Variants in DOCK9 observed in about 807,000 individuals in gnomAD.
DOCK9 encodes the protein dedicator of cytokinesis 9.
DOCK9 carries 89 observed loss-of-function variants against 263.3 expected under a neutral mutation model. The observed-to-expected ratio is 0.34, with a 90% CI of 0.28 to 0.40. DOCK9 has a LOEUF of 0.40. Among genes scored for constraint, DOCK9 ranks in the 10% least tolerant of loss-of-function variants. DOCK9 has a pLI of 1.00. For synonymous variants in DOCK9, 976 were observed against 973.1 expected, an observed-to-expected ratio of 1.00 and a Z score of -0.06; for missense variants, 2,140 against 2,603.4, an observed-to-expected ratio of 0.82 and a Z score of 3.87.
chr13:98,875,648 C>T (rs542113755), intron 27 of DOCK9, among the ~76,000 whole-genome samples: 1 of 152,198 alleles, frequency 6.6e-6, no homozygotes, highest in South Asian at 2.1e-4. Flanking sequence ...AACTGTTGAC[C>T]ATAGGGGCAG....
At chr13:98,836,659 A>G (rs1809409785) in intron 39 of DOCK9, among the ~76,000 whole-genome samples, 2 of 152,126 alleles carry the variant, frequency 1.3e-5, no homozygotes, top group South Asian at 4.1e-4. Flanking sequence ...AATGAGTTTC[A>G]TGGGGACAAG....
At chr13:99,048,031 C>G (rs2040517656) in intron 1 of DOCK9, among the ~76,000 whole-genome samples, 2 of 152,174 alleles carry the variant, frequency 1.3e-5, no homozygotes, top group Admixed American at 1.3e-4. Context: ...AGTTTGGGGG[C>G]AGCACCAGGG....
chr13:98,854,284 T>C (rs1594699744), intron 34 of DOCK9, among the ~76,000 whole-genome samples: 1 of 151,878 alleles, frequency 6.6e-6, no homozygotes, highest in Non-Finnish European at 1.5e-5. Context: ...TTAAAAACTC[T>C]CCCAGTTGAA....
At chr13:98,869,145 T>C (rs2094125498) in intron 27 of DOCK9, among the ~76,000 whole-genome samples, 1 of 152,352 alleles carries the variant, frequency 6.6e-6, no homozygotes, top group East Asian at 1.9e-4. Flanking sequence ...CGTGCATGAT[T>C]AGTTAAAACT....
At chr13:99,006,079 A>T (rs181374649) in intron 1 of DOCK9, among the ~76,000 whole-genome samples, 17 of 152,386 alleles carry the variant, frequency 1.1e-4, no homozygotes, top group Admixed American at 8.5e-4. Flanking sequence ...TTCAAACCTC[A>T]GTTAGTAAAA....
intron 30 of DOCK9, chr13:98,866,977 A>T: frequency 2.8e-6 from 1 of 355,514 alleles, no homozygotes; most frequent in Non-Finnish European, 5.3e-6. Context: ...ACAGAACAGC[A>T]TATGGAAGCA....
At chr13:98,836,329 TA>T (rs952260149) in intron 39 of DOCK9, among the ~76,000 whole-genome samples, 1 of 152,192 alleles carries the variant, frequency 6.6e-6, no homozygotes, top group African/African-American at 2.4e-5. Context: ...TATTCACTTT[TA>T]AAACCTTCCT....
chr13:98,944,275 C>T (rs1354444674), intron 2 of DOCK9, among the ~76,000 whole-genome samples: 2 of 150,046 alleles, frequency 1.3e-5, no homozygotes, highest in Non-Finnish European at 3.0e-5. Flanking sequence ...CGTGTGTGCT[C>T]TCTTTCTTCT....
At position 98,886,471 on chromosome 13, in the gene DOCK9, AT is replaced by A. The variant is rs2045707704; in HGVS notation, c.2136+60del. 17 of 1,460,160 alleles carry A rather than the reference AT, an allele frequency of 1.2e-5. No homozygotes were observed. The South Asian group carries it at 1.8e-4, about 16-fold the overall frequency. 90.5% of individuals were successfully genotyped at this position (1,460,160 alleles called of 1,614,324 possible). ...TCTTGAATTTTCCTTTACCAGGCAA[AT>A]ACATTAAAGTTTCCCTTAAAACTGG... On this transcript the variant is annotated intron_variant, in intron 19 of 52. Transcript: ENST00000682017.
intron 1 of DOCK9, among the ~76,000 whole-genome samples, chr13:99,067,059 A>G (rs1173468294): frequency 2.6e-5 from 4 of 152,192 alleles, no homozygotes; most frequent in Non-Finnish European, 5.9e-5. Flanking sequence ...CTCCATCTGC[A>G]CCGGTCACAA....
chr13:99,005,071 CA>C lies in DOCK9; in HGVS notation c.130-49521del, dbSNP rs757548444. On this transcript the variant is annotated intron_variant, in intron 1 of 32. Coordinates refer to the DOCK9 transcript ENST00000427887. The stretch of plus-strand genomic sequence containing the variant: ...TTTTGTTAGCAAAGACCGGATATAC[CA>C]AAAAAAAAAAAAGAGTAGATTCAAA... Among the ~76,000 whole-genome samples, 634 of 135,916 alleles carry C rather than the reference CA, an allele frequency of 4.7e-3. 12 individuals carry two copies. In the East Asian group the frequency reaches 0.069, roughly 15 times the overall value. The allele number at this position is 135,916 out of a possible 152,430, so 89.2% of individuals were successfully genotyped here.
chr13:98,885,312 T>A, intron 20 of DOCK9: 1 of 646,818 alleles, frequency 1.5e-6, no homozygotes, highest in East Asian at 3.2e-5. Flanking sequence ...TATAAAAATG[T>A]ACATATGCAG....
At chr13:98,920,847 A>C in intron 7 of DOCK9, 107 bp downstream of exon 7, 1 of 1,066,662 alleles carries the variant, frequency 9.4e-7, no homozygotes, top group Non-Finnish European at 1.3e-6. Context: ...TTATATTTCT[A>C]CCATGCATAT....
At chr13:99,054,853 A>T (rs968343313) in intron 1 of DOCK9, among the ~76,000 whole-genome samples, 1 of 152,180 alleles carries the variant, frequency 6.6e-6, no homozygotes, top group African/African-American at 2.4e-5. Context: ...CTACGAGAAA[A>T]ATTTTAAATG....
chr13:98,907,100 C>T (rs2049227925), intron 9 of DOCK9, among the ~76,000 whole-genome samples: 1 of 152,168 alleles, frequency 6.6e-6, no homozygotes, highest in Non-Finnish European at 1.5e-5. Flanking sequence ...CTGCCTATCA[C>T]CTTTCCTAAT....
chr13:98,924,188 A>G (rs1351759841), intron 4 of DOCK9, among the ~76,000 whole-genome samples: 1 of 152,240 alleles, frequency 6.6e-6, no homozygotes, highest in African/African-American at 2.4e-5. Context: ...ATATAGAACT[A>G]AAGGGCTACC....
At chr13:99,050,980 G>T (rs1207980931) in intron 1 of DOCK9, among the ~76,000 whole-genome samples, 1 of 152,214 alleles carries the variant, frequency 6.6e-6, no homozygotes, top group Non-Finnish European at 1.5e-5. Context: ...ACAGGTGGAC[G>T]TAAGAAGGAT....
intron 15 of DOCK9, among the ~76,000 whole-genome samples, chr13:98,893,040 C>T (rs1422600541): frequency 6.6e-6 from 1 of 152,170 alleles, no homozygotes; most frequent in Admixed American, 6.5e-5. Context: ...AGTGTGTATG[C>T]TGCATGTGTT....
chr13:98,830,811 T>C (rs1180393028), intron 41 of DOCK9, among the ~76,000 whole-genome samples: 1 of 152,206 alleles, frequency 6.6e-6, no homozygotes, highest in African/African-American at 2.4e-5. Context: ...GAATCCTATG[T>C]GGACAATAAA....
Sources: gnomAD v4.1 joint callset for allele counts (sites outside exome capture counted in the v4.1 genomes callset) on GRCh38, gnomAD v4.1.1 for gene constraint, MANE v1.5 for transcripts, NCBI Gene and HGNC (gene_info 2026-07-23, HGNC 2026-07-21) for gene names.